Variants in PRIMA1 observed in about 807,000 individuals in gnomAD.
PRIMA1 encodes proline-rich membrane anchor 1.
In PRIMA1, 7 loss-of-function variants were observed where a neutral mutation model predicts 17.5. The ratio of observed to expected loss-of-function variants is 0.40; its 90% CI spans 0.23 to 0.75. The LOEUF is 0.75. Among genes scored for constraint, PRIMA1 ranks in the 30% least tolerant of loss-of-function variants. The pLI, the probability that PRIMA1 is intolerant of heterozygous loss-of-function variation, is 0.37. For synonymous variants in PRIMA1, 97 were observed against 77.9 expected (o/e 1.25, Z -1.29); for missense variants, 200 against 201.8 (o/e 0.99, Z 0.05).
Position 93,728,728 on chromosome 14 carries a change from C to T in PRIMA1, c.360-7182G>A, listed in dbSNP as rs1158033406. 5.9e-5 allele frequency among the ~76,000 whole-genome samples: 9 copies of T among 152,162 alleles called. No individual in the cohort carries two copies. In the East Asian group the frequency reaches 1.7e-3, roughly 29 times the overall value. On this transcript the variant is annotated intron_variant, in intron 4 of 4. Coordinates refer to ENST00000393140, the MANE Select transcript of PRIMA1 (RefSeq NM_178013.4). ...GAAGCAGGGATCCGTCTGGGTCTCC[C>T]ATCAGCTGGCCCAGAGCACACACAC...
chr14:93,731,887 T>C (rs1236135549), intron 4 of PRIMA1, among the ~76,000 whole-genome samples: 7 of 152,196 alleles, frequency 4.6e-5, no homozygotes, highest in Non-Finnish European at 7.3e-5. Flanking sequence ...CATTCAAAAG[T>C]GCTCGTTCTA....
chr14:93,745,177 A>G lies in PRIMA1; in HGVS notation c.230-7807T>C, dbSNP rs540595157. On this transcript the variant is annotated intron_variant, in intron 3 of 4. Coordinates refer to ENST00000393140, the MANE Select transcript of PRIMA1 (RefSeq NM_178013.4). ...GCTTCGGTGGCCGGCAGCACTGAGCACGTCCCCCCTCTCACCCACCATAGA... is the reference window on the plus strand; with the variant it reads ...GCTTCGGTGGCCGGCAGCACTGAGCGCGTCCCCCCTCTCACCCACCATAGA... 5.3e-5 allele frequency among the ~76,000 whole-genome samples: 8 copies of G among 152,230 alleles called. No homozygotes were observed. The South Asian group carries it at 1.5e-3, about 28-fold the overall frequency.
At chr14:93,742,131 A>G (rs2076187833) in intron 3 of PRIMA1, among the ~76,000 whole-genome samples, 1 of 152,220 alleles carries the variant, frequency 6.6e-6, no homozygotes, top group Admixed American at 6.5e-5. Flanking sequence ...CTCCTGTCTG[A>G]AACATCCAAA....
intron 3 of PRIMA1, among the ~76,000 whole-genome samples, chr14:93,744,725 A>G (rs1252600126): frequency 6.6e-6 from 1 of 152,090 alleles, no homozygotes; most frequent in Non-Finnish European, 1.5e-5. Context: ...TTTAGCATGG[A>G]GACCCCCTGT....
At chr14:93,767,257 T>A (rs1884916901) in intron 3 of PRIMA1, among the ~76,000 whole-genome samples, 1 of 152,240 alleles carries the variant, frequency 6.6e-6, no homozygotes, top group African/African-American at 2.4e-5. Flanking sequence ...TCTCAGTGAA[T>A]ATTCAAAACA....
chr14:93,738,222 C>A (rs2076163635), intron 3 of PRIMA1, among the ~76,000 whole-genome samples: 1 of 152,152 alleles, frequency 6.6e-6, no homozygotes, highest in Non-Finnish European at 1.5e-5. Flanking sequence ...CCTGTCCTCC[C>A]TCCCTTGGCA....
At chr14:93,755,633 C>T (rs2076286092) in intron 3 of PRIMA1, among the ~76,000 whole-genome samples, 1 of 152,202 alleles carries the variant, frequency 6.6e-6, no homozygotes, top group South Asian at 2.1e-4. Context: ...ATGGTCTATA[C>T]ATGGTACTAC....
At chr14:93,737,157 A>G in intron 4 of PRIMA1, 84 bp downstream of exon 4, 1 of 1,333,484 alleles carries the variant, frequency 7.5e-7, no homozygotes, top group South Asian at 1.4e-5. Context: ...AATTTAAAAT[A>G]ATGATACGGG....
intron 2 of PRIMA1, among the ~76,000 whole-genome samples, chr14:93,782,797 A>C (rs1020587700): frequency 1.3e-5 from 2 of 152,184 alleles, no homozygotes; most frequent in Non-Finnish European, 2.9e-5. Flanking sequence ...GGTCCAGTCC[A>C]AGCCTGTGGC....
rs182350341 is a variant in PRIMA1, at chr14:93,780,956, C to T, written c.94-1645G>A. 2.7e-3 allele frequency among the ~76,000 whole-genome samples: 414 copies of T among 152,356 alleles called. 4 individuals carry two copies. Among genetic ancestry groups the T allele is most frequent in the Admixed American group, 8.6e-3 (132 of 15,308 alleles). ...TTCCCTGCAACTAGCCATGTGTTGC[C>T]TGCCTTTGAATGCTGATCCAGCCCC... On this transcript the variant is annotated intron_variant, in intron 2 of 4. Transcript: ENST00000393140.
In PRIMA1 at chr14:93,735,692, C is replaced by CT. The variant is rs11288194; in HGVS notation, c.359+1548dup. Among the ~76,000 whole-genome samples, 356 of 124,610 alleles carry CT rather than the reference C, an allele frequency of 2.9e-3. 1 individual carries two copies. Among genetic ancestry groups the CT allele is most frequent in the Middle Eastern group, 8.5e-3 (2 of 234 alleles). The allele number at this position is 124,610 out of a possible 152,430, so 81.7% of individuals were successfully genotyped here. ...CCATCCACTTTGGTTTTCTTTCTTC[C>CT]TTTTTTTTTTTTTTTTTGAGATGGA... On this transcript the variant is annotated intron_variant, in intron 4 of 4. Transcript: ENST00000393140.
chr14:93,732,328 T>C (rs1269790896), intron 4 of PRIMA1, among the ~76,000 whole-genome samples: 1 of 152,162 alleles, frequency 6.6e-6, no homozygotes, highest in Non-Finnish European at 1.5e-5. Context: ...TGCACAGGCC[T>C]GTGGGGCTCC....
Position 93,737,003 on chromosome 14 carries a change from T to A in PRIMA1, c.359+238A>T, listed in dbSNP as rs554213901. On this transcript the variant is annotated intron_variant, in intron 4 of 4. Transcript: ENST00000393140. ...TATTTCTGAGATCAACTTTAAAATA[T>A]TTCGGCAATGAAAAAGATCAAAGGA... is the stretch of plus-strand genomic sequence containing the variant. Among the ~76,000 whole-genome samples, 276 of 152,334 alleles carry A rather than the reference T, an allele frequency of 1.8e-3. 1 individual carries two copies. The highest frequency in any genetic ancestry group is 3.4e-3 in the Middle Eastern group (1 of 294).
At chr14:93,724,145 A>G (rs1462403945) in intron 4 of PRIMA1, among the ~76,000 whole-genome samples, 1 of 152,082 alleles carries the variant, frequency 6.6e-6, no homozygotes, top group Non-Finnish European at 1.5e-5. Flanking sequence ...TCGGCCTCCC[A>G]AAGTGCCAGC....
At chr14:93,747,554 G>C (rs1488380511) in intron 3 of PRIMA1, among the ~76,000 whole-genome samples, 2 of 151,906 alleles carry the variant, frequency 1.3e-5, no homozygotes, top group Admixed American at 6.6e-5. Context: ...GAGTGTGTGA[G>C]AGTGTGAGTG....
In PRIMA1 at chr14:93,763,219, C is replaced by T. The variant is rs1032688744; in HGVS notation, c.229+15957G>A. Among the ~76,000 whole-genome samples the T allele has an allele frequency of 1.2e-4, 19 of 152,188 alleles. No homozygotes were observed. The East Asian group carries it at 2.9e-3, about 23-fold the overall frequency. On this transcript the variant is annotated intron_variant, in intron 3 of 4. Coordinates refer to ENST00000393140, the MANE Select transcript of PRIMA1 (RefSeq NM_178013.4). The stretch of plus-strand genomic sequence containing the variant: ...AATGTTTGATCGAATAAAAGTCTGC[C>T]CCCCCAGCATTGCCCCTGCCTCCCG...
intron 3 of PRIMA1, among the ~76,000 whole-genome samples, chr14:93,755,812 C>T (rs955732547): frequency 1.2e-4 from 19 of 152,076 alleles, no homozygotes; most frequent in Non-Finnish European, 4.4e-5. Context: ...AGCATCCCTC[C>T]CACCCCCCAG....
intron 4 of PRIMA1, among the ~76,000 whole-genome samples, chr14:93,735,316 C>A (rs1324100877): frequency 6.6e-6 from 1 of 152,230 alleles, no homozygotes; most frequent in Non-Finnish European, 1.5e-5. Flanking sequence ...CCTCCCCAGT[C>A]AGGCTCACGG....
intron 3 of PRIMA1, among the ~76,000 whole-genome samples, chr14:93,752,340 C>T (rs375130656): frequency 6.6e-6 from 1 of 152,128 alleles, no homozygotes; most frequent in African/African-American, 2.4e-5. Flanking sequence ...CTTGGGAGAC[C>T]GCAGGAGGGA....
Sources: gnomAD v4.1 joint callset for allele counts (sites outside exome capture counted in the v4.1 genomes callset) on GRCh38, gnomAD v4.1.1 for gene constraint, MANE v1.5 for transcripts, NCBI Gene and HGNC (gene_info 2026-07-23, HGNC 2026-07-21) for gene names.